Variants in SCYL3 observed in about 807,000 individuals in gnomAD.
SCYL3 encodes protein-associating with the carboxyl-terminal domain of ezrin.
A neutral mutation model predicts 73.8 loss-of-function variants in SCYL3; 35 were observed. That is an observed-to-expected ratio of 0.47 (90% CI 0.36 to 0.63). The LOEUF (loss-of-function observed/expected upper bound fraction) is 0.63, where lower values mean the gene tolerates loss of function less well. Among genes scored for constraint, SCYL3 ranks in the 20% least tolerant of loss-of-function variants. The pLI is 0.00. For synonymous variants in SCYL3, 277 were observed against 295.2 expected (o/e 0.94, Z 0.63); for missense variants, 712 against 798.9 (o/e 0.89, Z 1.31).
intron 6 of SCYL3, among the ~76,000 whole-genome samples, chr1:169,869,914 A>C (rs1660276910): frequency 6.6e-6 from 1 of 152,266 alleles, no homozygotes; most frequent in African/African-American, 2.4e-5. Flanking sequence ...TTACATATAA[A>C]TCATTAATGA....
Position 169,851,787 on chromosome 1 carries a change from A to G in SCYL3, c.*1926T>C, listed in dbSNP as rs750682060. On this transcript the variant is annotated 3_prime_UTR_variant, in exon 13 of 13. Transcript: ENST00000367771. ...TCTAGTAGAGTGCTAACATGTTGCT[A>G]TTTGCTTGGTTTTTCATGGTCCCTG... is the stretch of plus-strand genomic sequence containing the variant. 15 of 1,608,196 alleles carry G rather than the reference A, an allele frequency of 9.3e-6. No homozygotes were observed. The highest frequency in any genetic ancestry group is 1.3e-5 in the African/African-American group (1 of 74,594).
chr1:169,882,192 C>A (rs1040239168), intron 2 of SCYL3, among the ~76,000 whole-genome samples: 4 of 152,176 alleles, frequency 2.6e-5, no homozygotes, highest in Admixed American at 6.5e-5. Context: ...GCTTGGCAGG[C>A]CCCCCACTTG....
At chr1:169,891,177 GA>G (rs919734148) in intron 1 of SCYL3, among the ~76,000 whole-genome samples, 3 of 152,224 alleles carry the variant, frequency 2.0e-5, no homozygotes, top group African/African-American at 7.2e-5. Flanking sequence ...AGGATGCTAT[GA>G]GGTGGAGGTG....
Position 169,854,684 on chromosome 1 carries a change from T to G in SCYL3, c.1593A>C (p.Gly531=). 1.2e-6 allele frequency: 2 copies of G among 1,614,036 alleles called. No homozygotes were observed. The highest frequency in any genetic ancestry group is 1.7e-6 in the Non-Finnish European group (2 of 1,179,956). Reference sequence around the variant, plus strand: ...CAGGTTTTGTAGCAGTGATTCCACCTCCTGGGTTTACTTTAGTATCTAAGC... The same window carrying G: ...CAGGTTTTGTAGCAGTGATTCCACCGCCTGGGTTTACTTTAGTATCTAAGC... ...PSSLDTKVNP[G]GGITATKPVT... The change falls in exon 12 of 13, where the codon GGA becomes GGC. Residue 531 remains glycine (G), a synonymous_variant. Transcript: ENST00000367771.
chr1:169,870,160 G>A (rs1036020239), intron 6 of SCYL3, 95 bp downstream of exon 6: 12 of 890,480 alleles, frequency 1.3e-5, no homozygotes, highest in Admixed American at 1.3e-4. Context: ...TCCTTACTGT[G>A]CTCAAAGACT....
chr1:169,850,345 G>A lies in SCYL3; in HGVS notation c.*3368C>T, dbSNP rs1657961518. On this transcript the variant is annotated 3_prime_UTR_variant, in exon 13 of 13. Coordinates refer to ENST00000367771, the MANE Select transcript of SCYL3 (RefSeq NM_020423.7). ...ACAAAGTTGTATCCTTTCTGGAGAA[G>A]GTACTTTCTTTACATGGCTCATGTT... The A allele has an allele frequency of 6.3e-7, 1 of 1,597,844 alleles. No individual in the cohort carries two copies. Among genetic ancestry groups the A allele is most frequent in the Non-Finnish European group, 8.6e-7 (1 of 1,166,736 alleles).
chr1:169,853,654 T>C lies in SCYL3; in HGVS notation c.*59A>G, dbSNP rs995537546. 6.4e-7 allele frequency: 1 copy of C among 1,570,156 alleles called. No homozygotes were observed. Among genetic ancestry groups the C allele is most frequent in the Non-Finnish European group, 8.7e-7 (1 of 1,145,824 alleles). On this transcript the variant is annotated 3_prime_UTR_variant, in exon 13 of 13. Coordinates refer to ENST00000367771, the MANE Select transcript of SCYL3 (RefSeq NM_020423.7). ...CTTGTCCCAAAGCCTGCTTTTGAGG[T>C]ATTGATTTTTTTTAAAAAAAGGGAA...
Position 169,878,700 on chromosome 1 carries a change from C to G in SCYL3, c.285G>C (p.Leu95Phe), listed in dbSNP as rs1008035601. The G allele has an allele frequency of 6.2e-7, 1 of 1,614,070 alleles. No individual in the cohort carries two copies. The highest frequency in any genetic ancestry group is 8.5e-7 in the Non-Finnish European group (1 of 1,179,946). ...VQPLEVALET[L>F]SSAEVCAGIY... ...TCCCAGCACAGACCTCTGCAGAAGA[C>G]AATGTTTCCAAAGCCACTTCCAGGG... The change falls in exon 3 of 13, where the codon TTG (leucine) becomes TTC (phenylalanine). Residue 95 changes from leucine to phenylalanine, a missense_variant. This residue lies in a region of SCYL3 where 342 missense variants were observed against 448.1 expected (regional missense o/e 0.76). Coordinates refer to ENST00000367771, the MANE Select transcript of SCYL3 (RefSeq NM_020423.7).
At chr1:169,892,344 G>T (rs899690459) in intron 1 of SCYL3, among the ~76,000 whole-genome samples, 18 of 152,106 alleles carry the variant, frequency 1.2e-4, no homozygotes, top group African/African-American at 4.1e-4. Context: ...CTGTAACCTG[G>T]AATTCCTGGG....
intron 3 of SCYL3, among the ~76,000 whole-genome samples, 159 bp downstream of exon 3, chr1:169,878,475 T>C (rs1188743557): frequency 6.6e-6 from 1 of 152,242 alleles, no homozygotes; most frequent in Non-Finnish European, 1.5e-5. Context: ...GCACCTCTTG[T>C]GCCTTCCAAC....
intron 9 of SCYL3, among the ~76,000 whole-genome samples, 184 bp from the exon 10 acceptor site, chr1:169,862,981 C>T (rs1659772614): frequency 2.0e-5 from 3 of 152,108 alleles, no homozygotes; most frequent in African/African-American, 2.4e-5. Flanking sequence ...GGCGCGATCT[C>T]GGCTCACTGC....
chr1:169,890,866 T>C (rs973913929), intron 1 of SCYL3, among the ~76,000 whole-genome samples: 6 of 152,244 alleles, frequency 3.9e-5, no homozygotes, highest in Non-Finnish European at 8.8e-5. Context: ...AAAAAGTTTA[T>C]GTGGGACCAT....
intron 2 of SCYL3, among the ~76,000 whole-genome samples, chr1:169,882,841 A>C (rs1357773289): frequency 6.6e-6 from 1 of 152,104 alleles, no homozygotes; most frequent in African/African-American, 2.4e-5. Context: ...GTAAACGCAC[A>C]AATCAGCGCC....
chr1:169,878,641 T>C lies in SCYL3; in HGVS notation c.344A>G (p.His115Arg). The C allele has an allele frequency of 6.2e-7, 1 of 1,611,908 alleles. No individual in the cohort carries two copies. Among genetic ancestry groups the C allele is most frequent in the South Asian group, 1.1e-5 (1 of 90,632 alleles). ...YDILLALIFL[H>R]DRGHLTHNNV... is the part of the protein sequence containing the mutation. ...ACTATACAGGTTACTTACTCTGTCA[T>C]GAAGGAAGATAAGAGCCAGCAATAT... Residue 115 changes from histidine to arginine, a missense_variant, in exon 3 of 13, where the codon CAT (histidine) becomes CGT (arginine). This residue lies in a region of SCYL3 where 342 missense variants were observed against 448.1 expected (regional missense o/e 0.76). Coordinates refer to ENST00000367771, the MANE Select transcript of SCYL3 (RefSeq NM_020423.7).
chr1:169,870,278 A>C lies in SCYL3; in HGVS notation c.602T>G (p.Leu201Trp), dbSNP rs1660303318. 19 of 1,613,510 alleles carry C rather than the reference A, an allele frequency of 1.2e-5. No homozygotes were observed. Among genetic ancestry groups the C allele is most frequent in the Non-Finnish European group, 1.6e-5 (19 of 1,179,610 alleles). ...AFSFGTLVES[L>W]LTILNEQVSA... is the part of the protein sequence containing the mutation. ...ACCCTGTTCATTTAAGATTGTGAGCAAACTTTCCACCAATGTTCCAAATGA... is the reference window on the plus strand; with the variant it reads ...ACCCTGTTCATTTAAGATTGTGAGCCAACTTTCCACCAATGTTCCAAATGA... The change falls in exon 6 of 13, where the codon TTG (leucine) becomes TGG (tryptophan). Residue 201 changes from leucine (L) to tryptophan (W), a missense_variant. Coordinates refer to ENST00000367771, the MANE Select transcript of SCYL3 (RefSeq NM_020423.7).
chr1:169,883,346 C>T (rs1422049301), intron 2 of SCYL3, among the ~76,000 whole-genome samples: 3 of 152,254 alleles, frequency 2.0e-5, no homozygotes, highest in South Asian at 2.1e-4. Context: ...CTAGAGGCCA[C>T]GAACCAGTAC....
At chr1:169,878,990 G>C (rs374381252) in intron 2 of SCYL3, among the ~76,000 whole-genome samples, 171 bp from the exon 3 acceptor site, 27 of 152,234 alleles carry the variant, frequency 1.8e-4, no homozygotes, top group African/African-American at 6.3e-4. Flanking sequence ...TCTATTACTT[G>C]TTCTGACATC....
At chr1:169,867,798 G>A (rs1202734483) in intron 7 of SCYL3, among the ~76,000 whole-genome samples, 1 of 152,134 alleles carries the variant, frequency 6.6e-6, no homozygotes, top group Non-Finnish European at 1.5e-5. Flanking sequence ...ATTTTGGCAG[G>A]TACGGTTTGT....
chr1:169,851,056 T>C lies in SCYL3; in HGVS notation c.*2657A>G, dbSNP rs1658225227. ...GTAAGCTCAGGGCCCTTTTTTTTTTTTTTTTTTTTTTTTTTTTGGCATGGC... is the reference window on the plus strand; with the variant it reads ...GTAAGCTCAGGGCCCTTTTTTTTTTCTTTTTTTTTTTTTTTTTGGCATGGC... On this transcript the variant is annotated 3_prime_UTR_variant, in exon 13 of 13. Transcript: ENST00000367771. 2 of 78,218 alleles carry C rather than the reference T, an allele frequency of 2.6e-5. No individual in the cohort carries two copies. Among genetic ancestry groups the C allele is most frequent in the Non-Finnish European group, 5.2e-5 (2 of 38,560 alleles). The allele number at this position is 78,218 out of a possible 1,614,324, so 4.8% of individuals were successfully genotyped here.
Sources: allele counts gnomAD v4.1 joint callset (sites outside exome capture counted in the v4.1 genomes callset), GRCh38; gene constraint gnomAD v4.1.1; regional missense constraint gnomAD v4.1.1; transcripts MANE v1.5; gene names NCBI Gene and HGNC (gene_info 2026-07-23, HGNC 2026-07-21).